Variants in XKR9 observed in about 807,000 individuals in gnomAD.
XKR9 encodes XK-related protein 9.
Under a neutral mutation model 32.0 loss-of-function variants are expected in XKR9, and 32 were observed. That is an observed-to-expected ratio of 1.00 (90% CI 0.76 to 1.34). The LOEUF (loss-of-function observed/expected upper bound fraction) is 1.34, where lower values mean the gene tolerates loss of function less well. Among genes scored for constraint, XKR9 ranks in the 40% most tolerant of loss-of-function variants. The pLI is 0.00. For synonymous variants in XKR9, 168 were observed against 143.4 expected, an observed-to-expected ratio of 1.17 and a Z score of -1.22; for missense variants, 546 against 429.7, an observed-to-expected ratio of 1.27 and a Z score of -2.39.
the XKR9 span, among the ~76,000 whole-genome samples, chr8:70,903,429 G>A: frequency 6.6e-6 from 1 of 152,138 alleles, no homozygotes; most frequent in African/African-American, 2.4e-5. Context: ...TTGTGTAGAG[G>A]TGTTTATAGT....
the XKR9 span, among the ~76,000 whole-genome samples, chr8:70,985,678 C>T: frequency 2.0e-5 from 3 of 152,096 alleles, no homozygotes; most frequent in Admixed American, 1.3e-4. Context: ...CTTCCTTTTT[C>T]ACCCTCCTAC....
At chr8:70,935,618 G>T in the XKR9 span, among the ~76,000 whole-genome samples, 1 of 151,966 alleles carries the variant, frequency 6.6e-6, no homozygotes, top group Non-Finnish European at 1.5e-5. Context: ...AGAGTTGGAT[G>T]AATTCTAAAT....
chr8:71,047,123 T>C, the XKR9 span, among the ~76,000 whole-genome samples: 1 of 152,234 alleles, frequency 6.6e-6, no homozygotes, highest in East Asian at 1.9e-4. Context: ...AAAAGCTTTA[T>C]GAGAATTATG....
chr8:70,867,727 C>T, the XKR9 span, among the ~76,000 whole-genome samples: 6 of 151,876 alleles, frequency 4.0e-5, no homozygotes, highest in African/African-American at 1.4e-4. Context: ...GCTGGGATTA[C>T]AGGCATGAGC....
the XKR9 span, among the ~76,000 whole-genome samples, chr8:71,043,805 T>C: frequency 1.3e-5 from 2 of 152,158 alleles, no homozygotes; most frequent in Non-Finnish European, 2.9e-5. Flanking sequence ...ATAAAACATC[T>C]AATTACGAGA....
At chr8:70,680,353 A>T (rs1360795764) in intron 2 of XKR9, among the ~76,000 whole-genome samples, 1 of 152,160 alleles carries the variant, frequency 6.6e-6, no homozygotes, top group Non-Finnish European at 1.5e-5. Flanking sequence ...ACATTTTTGA[A>T]TATTTCCCTA....
the XKR9 span, among the ~76,000 whole-genome samples, chr8:70,807,442 C>T: frequency 9.2e-5 from 14 of 152,148 alleles, no homozygotes; most frequent in Middle Eastern, 3.4e-3. Flanking sequence ...ATGGGCTAAA[C>T]GGCCCAATTA....
At chr8:70,791,357 T>G (rs1807762221), downstream of XKR9, among the ~76,000 whole-genome samples, 1 of 152,018 alleles carries the variant, frequency 6.6e-6, no homozygotes, top group Non-Finnish European at 1.5e-5. Context: ...CATATTTTTC[T>G]TAGCAGTACA....
intron 2 of XKR9, among the ~76,000 whole-genome samples, chr8:70,742,846 G>A (rs1156618805): frequency 1.3e-5 from 2 of 151,850 alleles, no homozygotes; most frequent in Non-Finnish European, 2.9e-5. Flanking sequence ...TTTAGCTGTT[G>A]GTTTGCAGTT....
chr8:70,963,948 T>C, the XKR9 span, among the ~76,000 whole-genome samples: 1 of 152,246 alleles, frequency 6.6e-6, no homozygotes, highest in Non-Finnish European at 1.5e-5. Context: ...TCTTTTGGTG[T>C]GCAGAAGCTC....
At chr8:70,798,149 G>A in the XKR9 span, among the ~76,000 whole-genome samples, 1 of 152,142 alleles carries the variant, frequency 6.6e-6, no homozygotes, top group Non-Finnish European at 1.5e-5. Flanking sequence ...CACAATGGCT[G>A]AACTGTTTAC....
At chr8:70,845,389 G>T in the XKR9 span, among the ~76,000 whole-genome samples, 2 of 152,136 alleles carry the variant, frequency 1.3e-5, no homozygotes, top group Non-Finnish European at 2.9e-5. Flanking sequence ...AAAAGCCGAG[G>T]AAATACAACA....
the XKR9 span, among the ~76,000 whole-genome samples, chr8:71,003,824 C>T: frequency 6.6e-6 from 1 of 152,186 alleles, no homozygotes; most frequent in South Asian, 2.1e-4. Flanking sequence ...GTTCATTAGG[C>T]CTCTGACCTT....
chr8:70,789,248 C>A (rs1465699957), intron 2 of XKR9: 1 of 151,898 alleles, frequency 6.6e-6, no homozygotes, highest in East Asian at 1.9e-4. Context: ...AAATTTAATT[C>A]AATTCTTTAG....
At chr8:70,750,875 T>A (rs4581087) in intron 2 of XKR9, among the ~76,000 whole-genome samples, 1 of 152,142 alleles carries the variant, frequency 6.6e-6, no homozygotes, top group Non-Finnish European at 1.5e-5. Context: ...AATGTTGTAC[T>A]GGATATTTCT....
At chr8:70,984,167 C>T in the XKR9 span, among the ~76,000 whole-genome samples, 1 of 152,116 alleles carries the variant, frequency 6.6e-6, no homozygotes, top group Non-Finnish European at 1.5e-5. Context: ...TGATTGGTAC[C>T]TAGAGAAATG....
chr8:70,790,489 T>C (rs1258206355), downstream of XKR9: 1 of 152,088 alleles, frequency 6.6e-6, no homozygotes, highest in Admixed American at 6.6e-5. Flanking sequence ...GACTCCCCTT[T>C]AGTTCCGTAA....
chr8:70,828,906 C>A, the XKR9 span, among the ~76,000 whole-genome samples: 6 of 152,088 alleles, frequency 3.9e-5, no homozygotes, highest in African/African-American at 1.4e-4. Flanking sequence ...ATTTTTCCAC[C>A]TCTACCTGTT....
At chr8:70,733,092 G>A (rs1027257808) in intron 4 of XKR9, among the ~76,000 whole-genome samples, 1 of 152,196 alleles carries the variant, frequency 6.6e-6, no homozygotes, top group South Asian at 2.1e-4. Context: ...TAGTGACAGA[G>A]TGAGACTCCA....
Sources: allele counts gnomAD v4.1 joint callset (sites outside exome capture counted in the v4.1 genomes callset), GRCh38; gene constraint gnomAD v4.1.1; transcripts MANE v1.5; gene names NCBI Gene and HGNC (gene_info 2026-07-23, HGNC 2026-07-21).